The following UBE2G2 variants were observed in gnomAD, a reference collection of about 807,000 sequenced individuals.
UBE2G2 encodes the protein ubiquitin-conjugating enzyme E2 G2.
In UBE2G2, 10 loss-of-function variants were observed where a neutral mutation model predicts 23.0. The ratio of observed to expected loss-of-function variants is 0.43; its 90% CI spans 0.27 to 0.74. The LOEUF (loss-of-function observed/expected upper bound fraction) is 0.74, where lower values mean the gene tolerates loss of function less well. UBE2G2 is among the 30% of genes least tolerant of loss of function. The probability of loss-of-function intolerance (pLI) is 0.19; values close to 1 mark genes in which losing one functional copy is unlikely to be tolerated. For synonymous variants in UBE2G2, 86 were observed against 81.3 expected, an observed-to-expected ratio of 1.06 and a Z score of -0.31; for missense variants, 150 against 218.3, an observed-to-expected ratio of 0.69 and a Z score of 1.97.
intron 1 of UBE2G2, chr21:44,789,384 CA>C (rs56695709): frequency 0.022 from 1,833 of 82,286 alleles, 20 homozygotes; most frequent in African/African-American, 0.077. Context: ...GACTCTGTCT[CA>C]AAAAAAAAAA....
At chr21:44,798,701 G>A (rs1169861279) in intron 1 of UBE2G2, among the ~76,000 whole-genome samples, 3 of 152,160 alleles carry the variant, frequency 2.0e-5, no homozygotes, top group Non-Finnish European at 2.9e-5. Flanking sequence ...CAGTTCCCTT[G>A]CCATTTCTAC....
chr21:44,782,137 T>C (rs2082962083), intron 3 of UBE2G2, among the ~76,000 whole-genome samples: 1 of 152,068 alleles, frequency 6.6e-6, no homozygotes, highest in Admixed American at 6.6e-5. Context: ...AAAAAGCAAA[T>C]ACCTCCCTCA....
At chr21:44,790,243 C>T (rs1319489290) in intron 1 of UBE2G2, among the ~76,000 whole-genome samples, 1 of 152,188 alleles carries the variant, frequency 6.6e-6, no homozygotes, top group Non-Finnish European at 1.5e-5. Context: ...TCATGCACCA[C>T]TGATGGGAAT....
In UBE2G2 at chr21:44,768,754, T is replaced by G. The variant is rs2082847174; in HGVS notation, c.*2623A>C. 1 of 152,210 alleles carries G rather than the reference T, an allele frequency of 6.6e-6. No individual in the cohort carries two copies. Among genetic ancestry groups the G allele is most frequent in the Non-Finnish European group, 1.5e-5 (1 of 68,052 alleles). 9.4% of individuals were successfully genotyped at this position (152,210 alleles called of 1,614,324 possible). A position where few individuals can be genotyped will look rare whatever the true frequency, so the allele number is the denominator to read the frequency against. On this transcript the variant is annotated 3_prime_UTR_variant, in exon 6 of 6. Coordinates refer to ENST00000345496, the MANE Select transcript of UBE2G2 (RefSeq NM_003343.6). ...GTCGGAACAGCCTGCTGGCTTCTAG[T>G]GGTCAAATGTGCCACTCACACAATG...
At chr21:44,788,156 CA>C (rs1395060025) in intron 1 of UBE2G2, 61 bp from the exon 2 acceptor site, 15 of 1,466,418 alleles carry the variant, frequency 1.0e-5, no homozygotes, top group Non-Finnish European at 1.4e-5. Context: ...GTCATTTTAA[CA>C]AAACACCTTT....
At chr21:44,781,247 C>A (rs2082953862) in intron 3 of UBE2G2, among the ~76,000 whole-genome samples, 1 of 152,208 alleles carries the variant, frequency 6.6e-6, no homozygotes, top group African/African-American at 2.4e-5. Context: ...GCTTCATGGG[C>A]ACCCTCCACT....
At chr21:44,793,148 G>T (rs1381153012) in intron 1 of UBE2G2, among the ~76,000 whole-genome samples, 2 of 152,160 alleles carry the variant, frequency 1.3e-5, no homozygotes, top group African/African-American at 4.8e-5. Flanking sequence ...CTAATTATAA[G>T]AAAAAAATAA....
Position 44,770,371 on chromosome 21 carries a change from G to C in UBE2G2, c.*1006C>G, listed in dbSNP as rs2082863696. 4 of 152,174 alleles carry C rather than the reference G, an allele frequency of 2.6e-5. No individual in the cohort carries two copies. The highest frequency in any genetic ancestry group is 9.7e-5 in the African/African-American group (4 of 41,424). The allele number at this position is 152,174 out of a possible 1,614,324, so 9.4% of individuals were successfully genotyped here. On this transcript the variant is annotated 3_prime_UTR_variant, in exon 6 of 6. Coordinates refer to ENST00000345496, the MANE Select transcript of UBE2G2 (RefSeq NM_003343.6). ...TACTAATATACAAACGTAAATCTTT[G>C]ATGAGTATGGTCGGGAAAAAACTGT...
At chr21:44,778,580 C>T (rs2082931205) in intron 3 of UBE2G2, among the ~76,000 whole-genome samples, 1 of 152,206 alleles carries the variant, frequency 6.6e-6, no homozygotes, top group South Asian at 2.1e-4. Flanking sequence ...CCTGTACCTT[C>T]ACACCAGGGA....
At chr21:44,798,745 T>C (rs1555964271) in intron 1 of UBE2G2, among the ~76,000 whole-genome samples, 2 of 152,180 alleles carry the variant, frequency 1.3e-5, no homozygotes, top group East Asian at 3.9e-4. Flanking sequence ...CTTAAAGTCA[T>C]CCATGAGCAT....
chr21:44,800,083 C>T (rs2083122952), intron 1 of UBE2G2: 1 of 152,194 alleles, frequency 6.6e-6, no homozygotes, highest in African/African-American at 2.4e-5. Flanking sequence ...TCAAAGATTA[C>T]TGATCATAGA....
At chr21:44,779,257 T>C in intron 3 of UBE2G2, 1 of 426,422 alleles carries the variant, frequency 2.3e-6, no homozygotes, top group Non-Finnish European at 4.6e-6. Context: ...AGTGATTGCT[T>C]CATGGAGACA....
chr21:44,781,865 A>G (rs577355471), intron 3 of UBE2G2, among the ~76,000 whole-genome samples: 2 of 152,248 alleles, frequency 1.3e-5, no homozygotes, highest in African/African-American at 4.8e-5. Flanking sequence ...CTTTTGCTCC[A>G]TATAATTATT....
rs1445454443 is a variant in UBE2G2 at position 44,778,763 on chromosome 21, G to A, written c.126-1346C>T. Among the ~76,000 whole-genome samples the A allele has an allele frequency of 3.9e-5, 6 of 152,210 alleles. 1 individual carries two copies. The highest frequency in any genetic ancestry group is 1.9e-4 in the East Asian group (1 of 5,196). ...ACTCATCAGATCAATAAATAGGTCA[G>A]TAAACCCGTTCTCCGTCTACGAACT... is the stretch of plus-strand genomic sequence containing the variant. On this transcript the variant is annotated intron_variant, in intron 3 of 5. Coordinates refer to ENST00000345496, the MANE Select transcript of UBE2G2 (RefSeq NM_003343.6).
At chr21:44,793,742 C>T (rs189891537) in intron 1 of UBE2G2, among the ~76,000 whole-genome samples, 12 of 152,284 alleles carry the variant, frequency 7.9e-5, no homozygotes, top group Admixed American at 6.5e-4. Flanking sequence ...AAATAGCTAC[C>T]ACACAAAGTG....
At chr21:44,783,374 G>A (rs782245970) in intron 3 of UBE2G2, among the ~76,000 whole-genome samples, 29 of 152,176 alleles carry the variant, frequency 1.9e-4, no homozygotes, top group Non-Finnish European at 3.7e-4. Context: ...AACATTAAAC[G>A]CAAATTTACT....
Position 44,770,017 on chromosome 21 carries a change from G to A in UBE2G2, c.*1360C>T, listed in dbSNP as rs2146379069. 6.6e-6 allele frequency: 1 copy of A among 152,308 alleles called. No individual in the cohort carries two copies. Among genetic ancestry groups the A allele is most frequent in the South Asian group, 2.1e-4 (1 of 4,826 alleles). 9.4% of individuals were successfully genotyped at this position (152,308 alleles called of 1,614,324 possible). A position where few individuals can be genotyped will look rare whatever the true frequency, so the allele number is the denominator to read the frequency against. ...CAGCTGGCCCTGTTAGAGAACATGG[G>A]AACCACATCAAAATCCTAAGTCACA... On this transcript the variant is annotated 3_prime_UTR_variant, in exon 6 of 6. Coordinates refer to ENST00000345496, the MANE Select transcript of UBE2G2 (RefSeq NM_003343.6).
chr21:44,779,816 T>G (rs1175142722), intron 3 of UBE2G2, among the ~76,000 whole-genome samples: 2 of 152,204 alleles, frequency 1.3e-5, no homozygotes, highest in East Asian at 3.8e-4. Context: ...AAGGATGAAA[T>G]GACTTAGTCA....
At chr21:44,800,188 T>C (rs1198687857) in intron 1 of UBE2G2, 1 of 150,194 alleles carries the variant, frequency 6.7e-6, no homozygotes, top group African/African-American at 2.5e-5. Flanking sequence ...TGTAAAAAAC[T>C]TGTAAACTTG....
Sources: gnomAD v4.1 joint callset for allele counts (sites outside exome capture counted in the v4.1 genomes callset) on GRCh38, gnomAD v4.1.1 for gene constraint, MANE v1.5 for transcripts, NCBI Gene and HGNC (gene_info 2026-07-23, HGNC 2026-07-21) for gene names.